The following RETREG2 variants were observed in gnomAD, a reference collection of about 807,000 sequenced individuals.
RETREG2 encodes the protein reticulophagy regulator family member 2, also known as reticulophagy regulator 2.
Under a neutral mutation model 51.6 loss-of-function variants are expected in RETREG2, and 21 were observed. The ratio of observed to expected loss-of-function variants is 0.41; its 90% CI spans 0.29 to 0.59. The LOEUF is 0.59. RETREG2 is among the 20% of genes least tolerant of loss of function. RETREG2 has a pLI of 0.34. For missense variants in RETREG2, 674 were observed against 646.0 expected (o/e 1.04, Z -0.47); for synonymous variants, 339 against 288.6 (o/e 1.17, Z -1.77).
At position 219,181,803 on chromosome 2, in the gene RETREG2, C is replaced by T. The variant is rs186995506; in HGVS notation, c.1015+28C>T. 5,626 of 1,607,216 alleles carry T rather than the reference C, an allele frequency of 3.5e-3. 7 individuals are homozygous for T. The highest frequency in any genetic ancestry group is 4.2e-3 in the Non-Finnish European group (4,960 of 1,175,248). On this transcript the variant is annotated intron_variant, in intron 8 of 8. Transcript: ENST00000430297. ...ATGGGGAGCCCTTTGCTGCCCTGCT[C>T]CCCGCCACAATCTTTGTGTTCCCTA...
At position 219,180,695 on chromosome 2, in the gene RETREG2, GTGCTGTGTT is replaced by G. The variant is rs1298572847; in HGVS notation, c.582_590del (p.Cys194_Leu197delinsTrp). On this transcript the variant is annotated inframe_deletion, in exon 5 of 9. Transcript: ENST00000430297. The stretch of plus-strand genomic sequence containing the variant: ...TTCTGCGTTCGAGTCTGCTCTGGCT[GTGCTGTGTT>G]GGCTGTGTTGGGACACTATGTTCCA... 1 of 1,613,828 alleles carries G rather than the reference GTGCTGTGTT, an allele frequency of 6.2e-7. No homozygotes were observed. The highest frequency in any genetic ancestry group is 1.7e-5 in the Admixed American group (1 of 60,030).
At position 219,183,958 on chromosome 2, in the gene RETREG2, G is replaced by GT. The variant is rs1950317076; in HGVS notation, c.*1331dup. 1 of 152,220 alleles carries GT rather than the reference G, an allele frequency of 6.6e-6. No individual in the cohort carries two copies. Among genetic ancestry groups the GT allele is most frequent in the Admixed American group, 6.5e-5 (1 of 15,286 alleles). The allele number at this position is 152,220 out of a possible 1,614,324, so 9.4% of individuals were successfully genotyped here. ...ACACTGAAGAAATAGTATCTTAACAGTTACTGAGTCCATTGTATGTGCTTG... is the reference window on the plus strand; with the variant it reads ...ACACTGAAGAAATAGTATCTTAACAGTTTACTGAGTCCATTGTATGTGCTTG... On this transcript the variant is annotated 3_prime_UTR_variant, in exon 9 of 9. Coordinates refer to ENST00000430297, the MANE Select transcript of RETREG2 (RefSeq NM_024293.6).
chr2:219,182,252 C>G lies in RETREG2; in HGVS notation c.1255C>G (p.Pro419Ala). 1.2e-6 allele frequency: 2 copies of G among 1,614,178 alleles called. No homozygotes were observed. The highest frequency in any genetic ancestry group is 1.7e-6 in the Non-Finnish European group (2 of 1,180,022). ...NTHFNGAGSP[P>A]DGVKCSPGGP... ...GCACTTCAATGGGGCAGGGTCCCCC[C>G]CAGATGGAGTGAAATGCTCCCCTGG... The change falls in exon 9 of 9, where the codon CCA becomes GCA. Residue 419 changes from proline (P) to alanine (A), a missense_variant. Coordinates refer to ENST00000430297, the MANE Select transcript of RETREG2 (RefSeq NM_024293.6).
chr2:219,182,247 C>T lies in RETREG2; in HGVS notation c.1250C>T (p.Ser417Phe). Residue 417 changes from serine (S) to phenylalanine (F), a missense_variant, in exon 9 of 9, where the codon TCC (serine) becomes TTC (phenylalanine). Physicochemically the swap from Ser to Phe is radical, Grantham distance 155. Coordinates refer to ENST00000430297, the MANE Select transcript of RETREG2 (RefSeq NM_024293.6). ...AACACGCACTTCAATGGGGCAGGGT[C>T]CCCCCCAGATGGAGTGAAATGCTCC... The part of the protein sequence containing the change: ...FVNTHFNGAG[S>F]PPDGVKCSPG... 1 of 1,613,990 alleles carries T rather than the reference C, an allele frequency of 6.2e-7. No homozygotes were observed. The highest frequency in any genetic ancestry group is 8.5e-7 in the Non-Finnish European group (1 of 1,179,938).
rs1950306219 is a variant in RETREG2 at position 219,183,089 on chromosome 2, T to TGTGTC, written c.*461_*465dup. The TGTGTC allele has an allele frequency of 5.3e-6, 1 of 187,294 alleles. No homozygotes were observed. Among genetic ancestry groups the TGTGTC allele is most frequent in the Non-Finnish European group, 1.2e-5 (1 of 86,794 alleles). The allele number at this position is 187,294 out of a possible 1,614,324, so 11.6% of individuals were successfully genotyped here. A position where few individuals can be genotyped will look rare whatever the true frequency, so the allele number is the denominator to read the frequency against. On this transcript the variant is annotated 3_prime_UTR_variant, in exon 9 of 9. Coordinates refer to ENST00000430297, the MANE Select transcript of RETREG2 (RefSeq NM_024293.6). ...GTTCCTTTCTGCTTTATTTCCCTGCTGTGTCCTGTCCTTAGCAGCTCAACC... is the reference window on the plus strand; with the variant it reads ...GTTCCTTTCTGCTTTATTTCCCTGCTGTGTCGTGTCCTGTCCTTAGCAGCTCAACC...
In RETREG2 at chr2:219,178,302, G is replaced by C. The variant is rs1950216269; in HGVS notation, c.-51G>C. On this transcript the variant is annotated 5_prime_UTR_variant, in exon 1 of 9. Coordinates refer to ENST00000430297, the MANE Select transcript of RETREG2 (RefSeq NM_024293.6). ...TCCGCCTGACGCGCCCCCGGCGGCG[G>C]CCGCGCAGCCCTGGCTCCTCGCGGG... The C allele has an allele frequency of 2.7e-6, 1 of 377,254 alleles. No individual in the cohort carries two copies. Among genetic ancestry groups the C allele is most frequent in the Non-Finnish European group, 4.7e-6 (1 of 212,194 alleles). 23.4% of individuals were successfully genotyped at this position (377,254 alleles called of 1,614,324 possible).
In RETREG2 at chr2:219,178,642, C is replaced by T. The variant is rs1950224541; in HGVS notation, c.281+9C>T. The T allele has an allele frequency of 7.0e-7, 1 of 1,424,810 alleles. No individual in the cohort carries two copies. The highest frequency in any genetic ancestry group is 3.1e-5 in the Admixed American group (1 of 32,676). 88.3% of individuals were successfully genotyped at this position (1,424,810 alleles called of 1,614,324 possible). A position where few individuals can be genotyped will look rare whatever the true frequency, so the allele number is the denominator to read the frequency against. On this transcript the variant is annotated intron_variant, in intron 1 of 8. Transcript: ENST00000430297. ...CTCAACGGCCTCTTCTGGTAACGGC[C>T]GCGGAGGAGGGGGCGGGGCCGGGAT... is the stretch of plus-strand genomic sequence containing the variant.
In RETREG2 at chr2:219,182,215, CT is replaced by C; in HGVS notation, c.1221del (p.Phe407LeufsTer2). 1 of 1,614,158 alleles carries C rather than the reference CT, an allele frequency of 6.2e-7. No homozygotes were observed. The highest frequency in any genetic ancestry group is 8.5e-7 in the Non-Finnish European group (1 of 1,180,020). ...TLLRLSSPLH[F>X]VNTHFNGAGS... Reference sequence around the variant, plus strand: ...TGTTGCGGCTCTCATCCCCCCTCCACTTTGTGAACACGCACTTCAATGGGGC... The same window carrying C: ...TGTTGCGGCTCTCATCCCCCCTCCACTTGTGAACACGCACTTCAATGGGGC... On this transcript the variant is annotated frameshift_variant, in exon 9 of 9. Coordinates refer to ENST00000430297, the MANE Select transcript of RETREG2 (RefSeq NM_024293.6). LOFTEE classifies it high-confidence loss of function.
chr2:219,180,828 A>G, intron 5 of RETREG2, 74 bp downstream of exon 5: 2 of 1,525,332 alleles, frequency 1.3e-6, no homozygotes, highest in South Asian at 2.3e-5. Context: ...CAGAGGGAAG[A>G]CTATGCTCTC....
chr2:219,181,525 G>C lies in RETREG2; in HGVS notation c.879+62G>C, dbSNP rs187808814. On this transcript the variant is annotated intron_variant, in intron 7 of 8. Transcript: ENST00000430297. ...GCCAGAGGAAAAATCTTTCTGCTTT[G>C]GAGCTGCCACCTCCAAAGGAGGTGG... The C allele has an allele frequency of 5.7e-5, 91 of 1,603,702 alleles. No individual in the cohort carries two copies. The East Asian group carries it at 1.8e-3, about 31-fold the overall frequency.
In RETREG2 at chr2:219,183,157, G is replaced by A. The variant is rs1166843715; in HGVS notation, c.*528G>A. ...CTCCTATCCCGTGGGCACTGGCCAAGCTTTAGGGAGGCTCCTGGTCTGGGA... is the reference window on the plus strand; with the variant it reads ...CTCCTATCCCGTGGGCACTGGCCAAACTTTAGGGAGGCTCCTGGTCTGGGA... On this transcript the variant is annotated 3_prime_UTR_variant, in exon 9 of 9. Transcript: ENST00000430297. The A allele has an allele frequency of 6.1e-6, 1 of 163,332 alleles. No individual in the cohort carries two copies. The highest frequency in any genetic ancestry group is 5.6e-5 in the Admixed American group (1 of 17,840). The allele number at this position is 163,332 out of a possible 1,614,324, so 10.1% of individuals were successfully genotyped here.
intron 8 of RETREG2, 87 bp from the exon 9 acceptor site, chr2:219,181,926 C>T (rs7581909): frequency 4.5e-6 from 7 of 1,564,784 alleles, no homozygotes; most frequent in Admixed American, 1.8e-5. Context: ...CTTTCCATGT[C>T]TTGAGTTCTC....
chr2:219,178,863 A>G (rs1005531569), intron 1 of RETREG2, 59 bp from the exon 2 acceptor site: 9 of 1,308,264 alleles, frequency 6.9e-6, no homozygotes, highest in Admixed American at 5.7e-5. Flanking sequence ...CCACCTTCTG[A>G]GATGGATGCA....
rs1479515067 is a variant in RETREG2 at position 219,179,779 on chromosome 2, CT to C, written c.419+17del. On this transcript the variant is annotated intron_variant, in intron 3 of 8. Coordinates refer to ENST00000430297, the MANE Select transcript of RETREG2 (RefSeq NM_024293.6). Reference sequence around the variant, plus strand: ...ACTCTGACAGGTGAGTACAGGCCACCTCTTGAAGACAAATGCCCACATCCTG... The same window carrying C: ...ACTCTGACAGGTGAGTACAGGCCACCCTTGAAGACAAATGCCCACATCCTG... 1.2e-6 allele frequency: 2 copies of C among 1,612,890 alleles called. No individual in the cohort carries two copies.
In RETREG2 at chr2:219,178,907, C is replaced by T. The variant is rs200151781; in HGVS notation, c.282-15C>T. 6.2e-5 allele frequency: 98 copies of T among 1,583,364 alleles called. No individual in the cohort carries two copies. The highest frequency in any genetic ancestry group is 2.2e-5 in the East Asian group (1 of 44,702). On this transcript the variant is annotated splice_polypyrimidine_tract_variant and intron_variant, in intron 1 of 8. Transcript: ENST00000430297. ...TCTCACCCACTCACTGCTGAGGTGC[C>T]TGTCTCTCCCTAAGGTTGCTGTCTT...
chr2:219,180,873 G>A, intron 5 of RETREG2, 119 bp downstream of exon 5: 1 of 1,368,724 alleles, frequency 7.3e-7, no homozygotes, highest in Admixed American at 1.8e-5. Context: ...GATCTCCAGG[G>A]ATGCTTTAGT....
At position 219,182,050 on chromosome 2, in the gene RETREG2, G is replaced by A; in HGVS notation, c.1053G>A (p.Glu351=). ...DQQSLPSEPE[E]TLSRDLGEGE... is the part of the protein sequence containing the mutation. ...AGAGCCTGCCAAGTGAACCAGAGGAGACCCTAAGCCGGGACCTAGGGGAGG... is the reference window on the plus strand; with the variant it reads ...AGAGCCTGCCAAGTGAACCAGAGGAAACCCTAAGCCGGGACCTAGGGGAGG... Residue 351 remains glutamate, a synonymous_variant, in exon 9 of 9, where the codon GAG becomes GAA. Coordinates refer to ENST00000430297, the MANE Select transcript of RETREG2 (RefSeq NM_024293.6). 6.2e-7 allele frequency: 1 copy of A among 1,614,138 alleles called. No homozygotes were observed. Among genetic ancestry groups the A allele is most frequent in the South Asian group, 1.1e-5 (1 of 91,086 alleles).
rs892580970 is a variant in RETREG2 at position 219,182,936 on chromosome 2, C to G, written c.*307C>G. 1.7e-5 allele frequency: 7 copies of G among 400,912 alleles called. No homozygotes were observed. Among genetic ancestry groups the G allele is most frequent in the African/African-American group, 1.0e-4 (5 of 50,148 alleles). The allele number at this position is 400,912 out of a possible 1,614,324, so 24.8% of individuals were successfully genotyped here. ...CTGCCTCATCTCTATTCTCATTCCA[C>G]TATGCCCCAAGCCCTGGTGGTCTGG... On this transcript the variant is annotated 3_prime_UTR_variant, in exon 9 of 9. Coordinates refer to ENST00000430297, the MANE Select transcript of RETREG2 (RefSeq NM_024293.6).
intron 7 of RETREG2, 57 bp downstream of exon 7, chr2:219,181,520 G>T (rs1950279082): frequency 1.9e-6 from 3 of 1,604,896 alleles, no homozygotes; most frequent in Non-Finnish European, 2.6e-6. Context: ...AAATCTTTCT[G>T]CTTTGGAGCT....
Sources: allele counts gnomAD v4.1 joint callset, GRCh38; gene constraint gnomAD v4.1.1; transcripts MANE v1.5; gene names NCBI Gene and HGNC (gene_info 2026-07-23, HGNC 2026-07-21).